PPP3R1: variants seen among roughly 807,000 people sequenced by gnomAD.
The protein encoded by PPP3R1 is calcineurin subunit B type 1.
PPP3R1 carries 5 observed loss-of-function variants against 22.6 expected under a neutral mutation model. The ratio of observed to expected loss-of-function variants is 0.22; its 90% CI spans 0.12 to 0.46. The LOEUF (loss-of-function observed/expected upper bound fraction) is 0.46, where lower values mean the gene tolerates loss of function less well. PPP3R1 is among the 20% of genes least tolerant of loss of function. The pLI, the probability that PPP3R1 is intolerant of heterozygous loss-of-function variation, is 0.99. For synonymous variants in PPP3R1, 56 were observed against 65.2 expected, an observed-to-expected ratio of 0.86 and a Z score of 0.68; for missense variants, 61 against 203.2, an observed-to-expected ratio of 0.30 and a Z score of 4.25.
At chr2:68,199,127 C>T (rs1016533864) in intron 2 of PPP3R1, among the ~76,000 whole-genome samples, 1 of 152,110 alleles carries the variant, frequency 6.6e-6, no homozygotes, top group African/African-American at 2.4e-5. Context: ...CCATGCCCAG[C>T]TAATTTTTTT....
At chr2:68,187,631 G>A (rs940476006) in intron 3 of PPP3R1, among the ~76,000 whole-genome samples, 1 of 151,670 alleles carries the variant, frequency 6.6e-6, no homozygotes, top group Non-Finnish European at 1.5e-5. Context: ...GTAACAAGGG[G>A]CTTTAAAAAA....
chr2:68,182,922 T>G (rs768468484), intron 5 of PPP3R1, among the ~76,000 whole-genome samples: 1 of 152,298 alleles, frequency 6.6e-6, no homozygotes, highest in Middle Eastern at 3.4e-3. Flanking sequence ...AAAAATATTA[T>G]GTAATTCTAT....
intron 1 of PPP3R1, among the ~76,000 whole-genome samples, chr2:68,237,376 CT>C (rs1289722647): frequency 1.3e-5 from 2 of 152,108 alleles, no homozygotes; most frequent in East Asian, 3.9e-4. Flanking sequence ...ACAAATATAA[CT>C]TTTTTTTAAT....
chr2:68,202,105 T>A (rs1674990567), intron 2 of PPP3R1, among the ~76,000 whole-genome samples: 1 of 152,248 alleles, frequency 6.6e-6, no homozygotes, highest in Non-Finnish European at 1.5e-5. Context: ...TCAGACGCTA[T>A]CACTCTGTGT....
intron 1 of PPP3R1, among the ~76,000 whole-genome samples, chr2:68,246,756 C>T (rs1382920284): frequency 6.6e-6 from 1 of 152,146 alleles, no homozygotes; most frequent in Admixed American, 6.5e-5. Context: ...CTTTAGAGTT[C>T]ACTCTCTTCA....
chr2:68,195,391 T>A (rs1674746952), intron 2 of PPP3R1, among the ~76,000 whole-genome samples: 1 of 152,190 alleles, frequency 6.6e-6, no homozygotes, highest in Admixed American at 6.5e-5. Flanking sequence ...AAGGGGCTCA[T>A]GACATCAATA....
At chr2:68,217,200 T>C in intron 1 of PPP3R1, 69 bp from the exon 2 acceptor site, 4 of 1,132,924 alleles carry the variant, frequency 3.5e-6, no homozygotes, top group South Asian at 1.4e-5. Flanking sequence ...TAAACCTAAA[T>C]ATTTTAAGTC....
chr2:68,198,405 G>GTGTATA (rs1553405085), intron 2 of PPP3R1, among the ~76,000 whole-genome samples: 9 of 81,832 alleles, frequency 1.1e-4, no homozygotes, highest in Admixed American at 1.3e-4. Context: ...ATATATATGT[G>GTGTATA]TATGTATATG....
intron 2 of PPP3R1, among the ~76,000 whole-genome samples, chr2:68,203,707 G>A (rs1329198517): frequency 6.6e-6 from 1 of 152,126 alleles, no homozygotes; most frequent in East Asian, 1.9e-4. Context: ...TGAGACGAAT[G>A]TGATTAAGAG....
intron 1 of PPP3R1, among the ~76,000 whole-genome samples, chr2:68,237,252 T>A (rs549734103): frequency 1.3e-5 from 2 of 152,196 alleles, no homozygotes; most frequent in African/African-American, 2.4e-5. Context: ...AGTAGTTCAA[T>A]TGATTCCTTA....
intron 1 of PPP3R1, among the ~76,000 whole-genome samples, chr2:68,241,170 T>C (rs1479344384): frequency 1.3e-5 from 2 of 150,820 alleles, no homozygotes; most frequent in East Asian, 2.0e-4. Flanking sequence ...GTCCCTGATA[T>C]AAAATGGCAT....
chr2:68,229,876 A>G lies in PPP3R1; in HGVS notation c.4-12745T>C, dbSNP rs371484343. On this transcript the variant is annotated intron_variant, in intron 1 of 5. Transcript: ENST00000234310. ...TTAATTGGTGTGTGTGTGTGTGTGT[A>G]TGTATGTGTGTATATATATATACGG... Among the ~76,000 whole-genome samples, 547 of 149,454 alleles carry G rather than the reference A, an allele frequency of 3.7e-3. 1 individual carries two copies. The highest frequency in any genetic ancestry group is 0.01 in the Middle Eastern group (3 of 292).
rs894857655 is a variant in PPP3R1 at position 68,180,179 on chromosome 2, A to C, written c.*784T>G. ...TAAATGCAATGGCTCCTAGTTACAA[A>C]GTAGCAGAATGAAGCAGCTATAAGC... On this transcript the variant is annotated 3_prime_UTR_variant, in exon 6 of 6. Coordinates refer to ENST00000234310, the MANE Select transcript of PPP3R1 (RefSeq NM_000945.4). The C allele has an allele frequency of 6.6e-6, 1 of 152,246 alleles. No individual in the cohort carries two copies. The highest frequency in any genetic ancestry group is 2.4e-5 in the African/African-American group (1 of 41,470). The allele number at this position is 152,246 out of a possible 1,614,324, so 9.4% of individuals were successfully genotyped here. A position where few individuals can be genotyped will look rare whatever the true frequency, so the allele number is the denominator to read the frequency against.
chr2:68,198,287 GTATACACA>G (rs1444180718), intron 2 of PPP3R1, among the ~76,000 whole-genome samples: 8 of 137,944 alleles, frequency 5.8e-5, no homozygotes, highest in African/African-American at 2.4e-4. Flanking sequence ...GCATGTATGT[GTATACACA>G]TGTATACATG....
intron 1 of PPP3R1, among the ~76,000 whole-genome samples, chr2:68,222,305 A>T (rs1669699690): frequency 1.3e-5 from 2 of 152,216 alleles, no homozygotes; most frequent in African/African-American, 4.8e-5. Flanking sequence ...AGAACAACTT[A>T]AAAAAGGAGA....
intron 5 of PPP3R1, among the ~76,000 whole-genome samples, chr2:68,182,716 C>G (rs1674440513): frequency 7.2e-6 from 1 of 139,696 alleles, no homozygotes; most frequent in African/African-American, 2.7e-5. Context: ...CAAACTGAGG[C>G]AACACTCCCT....
At chr2:68,210,415 T>C (rs943634617) in intron 2 of PPP3R1, among the ~76,000 whole-genome samples, 1 of 152,180 alleles carries the variant, frequency 6.6e-6, no homozygotes, top group African/African-American at 2.4e-5. Flanking sequence ...TATTTGACAA[T>C]AGCAATTTGG....
chr2:68,196,459 C>T (rs534233887), intron 2 of PPP3R1, among the ~76,000 whole-genome samples: 2 of 152,176 alleles, frequency 1.3e-5, no homozygotes, highest in African/African-American at 4.8e-5. Context: ...AAAGAGAGCA[C>T]CCTATCAGTA....
intron 1 of PPP3R1, among the ~76,000 whole-genome samples, chr2:68,226,220 T>C (rs1010033372): frequency 3.9e-5 from 6 of 152,156 alleles, no homozygotes; most frequent in African/African-American, 1.2e-4. Context: ...TTCAGGGTGA[T>C]AGACCTATTC....
Sources: gnomAD v4.1 joint callset for allele counts (sites outside exome capture counted in the v4.1 genomes callset) on GRCh38, gnomAD v4.1.1 for gene constraint, MANE v1.5 for transcripts, NCBI Gene and HGNC (gene_info 2026-07-23, HGNC 2026-07-21) for gene names.